ZNF618: variants seen among roughly 807,000 people sequenced by gnomAD.
ZNF618 encodes zinc finger protein 618.
A neutral mutation model predicts 103.0 loss-of-function variants in ZNF618; 34 were observed. The observed-to-expected ratio is 0.33, with a 90% CI of 0.25 to 0.44. The LOEUF is 0.44. Ranked by LOEUF, ZNF618 falls within the 20% of genes least tolerant of loss-of-function variation. The pLI is 1.00. For synonymous variants in ZNF618, 551 were observed against 542.2 expected, an observed-to-expected ratio of 1.02 and a Z score of -0.23; for missense variants, 1,059 against 1,295.4, an observed-to-expected ratio of 0.82 and a Z score of 2.80.
At chr9:113,913,271 C>T (rs908357619) in intron 1 of ZNF618, among the ~76,000 whole-genome samples, 4 of 152,196 alleles carry the variant, frequency 2.6e-5, no homozygotes, top group Admixed American at 6.5e-5. Flanking sequence ...AGGGTTGAAG[C>T]GATCTCAGTG....
chr9:113,960,470 C>T (rs1278441053), intron 1 of ZNF618, among the ~76,000 whole-genome samples: 1 of 152,178 alleles, frequency 6.6e-6, no homozygotes. Flanking sequence ...TGCATGGCTG[C>T]CTATCAGAGA....
intron 1 of ZNF618, among the ~76,000 whole-genome samples, chr9:113,886,957 C>G (rs1307197431): frequency 9.9e-6 from 1 of 100,708 alleles, no homozygotes; most frequent in African/African-American, 3.7e-5. Flanking sequence ...TCATTGGTTT[C>G]TTTTTACTTT....
chr9:113,930,453 A>G (rs34488026), intron 1 of ZNF618, among the ~76,000 whole-genome samples: 29,159 of 151,508 alleles, frequency 0.19, 3,472 homozygotes, highest in Non-Finnish European at 0.26. Flanking sequence ...GGGGGCGCCT[A>G]TTTTTTTTTA....
intron 10 of ZNF618, among the ~76,000 whole-genome samples, chr9:114,017,497 C>T (rs1302746249): frequency 2.0e-5 from 3 of 152,192 alleles, no homozygotes; most frequent in South Asian, 2.1e-4. Context: ...TGAGGGGTCT[C>T]CATCCTCAGA....
rs76808914 is a variant in ZNF618 at position 113,981,604 on chromosome 9, C to T, written c.78-6717C>T. On this transcript the variant is annotated intron_variant, in intron 2 of 14. Transcript: ENST00000374126. ...TGGAAACTGTGCCCAGAAACAAAGC[C>T]GCCATACTCCCAGGCACCTAGCATC... is the stretch of plus-strand genomic sequence containing the variant. Among the ~76,000 whole-genome samples, 287 of 152,320 alleles carry T rather than the reference C, an allele frequency of 1.9e-3. 1 individual carries two copies. Among genetic ancestry groups the T allele is most frequent in the African/African-American group, 6.7e-3 (280 of 41,576 alleles).
intron 1 of ZNF618, among the ~76,000 whole-genome samples, chr9:113,964,750 CTTTTTTTTTT>C (rs765191153): frequency 1.0e-5 from 1 of 98,488 alleles, no homozygotes; most frequent in Non-Finnish European, 2.1e-5. Flanking sequence ...CTCCTTTCTG[CTTTTTTTTTT>C]TTTTTTTTTT....
chr9:113,894,714 C>T (rs1250973788), intron 1 of ZNF618, among the ~76,000 whole-genome samples: 6 of 151,964 alleles, frequency 3.9e-5, no homozygotes, highest in African/African-American at 7.2e-5. Context: ...TATTTTTGAC[C>T]GCAGTTGTGA....
intron 2 of ZNF618, among the ~76,000 whole-genome samples, chr9:113,979,840 G>A (rs575470162): frequency 3.3e-5 from 5 of 152,340 alleles, no homozygotes; most frequent in African/African-American, 9.6e-5. Context: ...AGAGTACACC[G>A]AGTGGGTAAA....
Position 114,028,966 on chromosome 9 carries a change from A to C in ZNF618, c.1078A>C (p.Thr360Pro). 1.9e-6 allele frequency: 3 copies of C among 1,550,224 alleles called. No individual in the cohort carries two copies. Among genetic ancestry groups the C allele is most frequent in the Non-Finnish European group, 2.6e-6 (3 of 1,146,946 alleles). The change falls in exon 11 of 15, where the codon ACC (threonine) becomes CCC (proline). Residue 360 changes from threonine to proline, a missense_variant. Physicochemically the swap from Thr to Pro is conservative, Grantham distance 38. This residue lies in a region of ZNF618 where 434 missense variants were observed against 476.0 expected (regional missense o/e 0.91). Coordinates refer to ENST00000374126, the MANE Select transcript of ZNF618 (RefSeq NM_001318042.2). The part of the protein sequence containing the change: ...PNSGSPASKA[T>P]AAESAFSRRV... ...TTCGGGATCTCCGGCGAGCAAGGCA[A>C]CCGCAGGTACCAATGGCCTATGTGA...
intron 9 of ZNF618, among the ~76,000 whole-genome samples, chr9:114,009,752 A>G (rs1032411690): frequency 3.3e-5 from 5 of 152,130 alleles, no homozygotes; most frequent in Admixed American, 2.0e-4. Context: ...AGAGGAGCTG[A>G]AACACTAAGT....
In ZNF618 at chr9:114,028,752, G is replaced by A; in HGVS notation, c.864G>A (p.Glu288=). ...HAPISTAPGW[E]PPDDPDTGSE... The stretch of plus-strand genomic sequence containing the variant: ...TCTCAGGTACTGCCCCCGGGTGGGA[G>A]CCACCGGATGATCCAGACACGGGCT... Residue 288 remains glutamate (E), a synonymous_variant, in exon 11 of 15, where the codon GAG becomes GAA. Coordinates refer to ENST00000374126, the MANE Select transcript of ZNF618 (RefSeq NM_001318042.2). 1 of 1,550,432 alleles carries A rather than the reference G, an allele frequency of 6.4e-7. No individual in the cohort carries two copies. Among genetic ancestry groups the A allele is most frequent in the Non-Finnish European group, 8.7e-7 (1 of 1,146,932 alleles).
chr9:114,016,821 G>A (rs1217877213), intron 10 of ZNF618, 37 bp downstream of exon 10: 1 of 1,560,666 alleles, frequency 6.4e-7, no homozygotes, highest in South Asian at 1.1e-5. Context: ...GGGGTTGGGG[G>A]ACCCGGGACA....
At chr9:113,937,829 T>TG (rs1834161774) in intron 1 of ZNF618, among the ~76,000 whole-genome samples, 2 of 152,146 alleles carry the variant, frequency 1.3e-5, no homozygotes, top group Non-Finnish European at 2.9e-5. Flanking sequence ...GATCTGCCAT[T>TG]GGGCTTTTTA....
chr9:114,030,484 C>A (rs1182499318), intron 11 of ZNF618, among the ~76,000 whole-genome samples: 2 of 152,168 alleles, frequency 1.3e-5, no homozygotes, highest in Non-Finnish European at 2.9e-5. Flanking sequence ...CTGCAGAGGG[C>A]GGCCCACAGG....
At chr9:114,027,366 C>T (rs754034761) in intron 10 of ZNF618, among the ~76,000 whole-genome samples, 6 of 152,124 alleles carry the variant, frequency 3.9e-5, no homozygotes, top group Admixed American at 1.3e-4. Flanking sequence ...CAGATGAGGG[C>T]TTGTTTAAGT....
chr9:114,034,430 ACTGCTG>A (rs757107928), intron 12 of ZNF618, among the ~76,000 whole-genome samples: 1 of 151,850 alleles, frequency 6.6e-6, no homozygotes, highest in African/African-American at 2.4e-5. Flanking sequence ...TAGCGCAAGC[ACTGCTG>A]CTGCTGCTGC....
chr9:114,048,869 C>G lies in ZNF618; in HGVS notation c.1567C>G (p.Leu523Val). 6.2e-7 allele frequency: 1 copy of G among 1,607,550 alleles called. No individual in the cohort carries two copies. The change falls in exon 15 of 15, where the codon CTG becomes GTG. Residue 523 changes from leucine to valine, a missense_variant. Coordinates refer to ENST00000374126, the MANE Select transcript of ZNF618 (RefSeq NM_001318042.2). Reference protein sequence around the residue: ...EILGNFNTLALKHLPRMYNQV... With the variant: ...EILGNFNTLAVKHLPRMYNQV... Reference sequence around the variant, plus strand: ...CCTGGGCAACTTCAACACGCTGGCGCTGAAGCACCTGCCACGCATGTACAA... The same window carrying G: ...CCTGGGCAACTTCAACACGCTGGCGGTGAAGCACCTGCCACGCATGTACAA...
At chr9:114,034,884 G>A (rs1844444487) in intron 12 of ZNF618, among the ~76,000 whole-genome samples, 1 of 152,230 alleles carries the variant, frequency 6.6e-6, no homozygotes, top group Non-Finnish European at 1.5e-5. Flanking sequence ...ATGCAAGGAT[G>A]TCTTCTCACC....
At chr9:113,911,809 G>A (rs1831578642) in intron 1 of ZNF618, among the ~76,000 whole-genome samples, 1 of 152,092 alleles carries the variant, frequency 6.6e-6, no homozygotes, top group South Asian at 2.1e-4. Flanking sequence ...CCTGTTTTGG[G>A]GGATGTTTTG....
Sources: gnomAD v4.1 joint callset for allele counts (sites outside exome capture counted in the v4.1 genomes callset) on GRCh38, gnomAD v4.1.1 for gene constraint, gnomAD v4.1.1 regional missense constraint, MANE v1.5 for transcripts, NCBI Gene and HGNC (gene_info 2026-07-23, HGNC 2026-07-21) for gene names.